NBN: variants seen among roughly 807,000 people sequenced by gnomAD.
NBN encodes the protein Nijmegen breakage syndrome 1 (nibrin).
A neutral mutation model predicts 90.8 loss-of-function variants in NBN; 88 were observed. That is an observed-to-expected ratio of 0.97 (90% CI 0.82 to 1.16). NBN has a LOEUF of 1.16. NBN is among the 50% of genes most tolerant of loss of function. NBN has a pLI of 0.00. For synonymous variants in NBN, 328 were observed against 295.1 expected, an observed-to-expected ratio of 1.11 and a Z score of -1.14; for missense variants, 894 against 869.6, an observed-to-expected ratio of 1.03 and a Z score of -0.35.
At chr8:89,939,951 C>A (rs148872777) in intron 14 of NBN, among the ~76,000 whole-genome samples, 3 of 152,294 alleles carry the variant, frequency 2.0e-5, no homozygotes, top group African/African-American at 7.2e-5. Flanking sequence ...TCCAGCTGAG[C>A]CTTTCCTCTC....
intron 11 of NBN, among the ~76,000 whole-genome samples, chr8:89,950,511 T>C (rs997813203): frequency 2.6e-5 from 4 of 152,128 alleles, no homozygotes; most frequent in African/African-American, 7.2e-5. Flanking sequence ...GTGGGACCCA[T>C]GGATACAGAG....
chr8:89,954,978 C>T (rs558011483), intron 10 of NBN, among the ~76,000 whole-genome samples: 3 of 152,142 alleles, frequency 2.0e-5, no homozygotes, highest in South Asian at 2.1e-4. Context: ...GGAGTGAGAG[C>T]GGTTCTCAAG....
chr8:89,970,250 A>T, intron 7 of NBN, 114 bp downstream of exon 7: 1 of 489,100 alleles, frequency 2.0e-6, no homozygotes, highest in Non-Finnish European at 3.2e-6. Flanking sequence ...ACTCCGTCTC[A>T]AAAAAAAAAA....
intron 14 of NBN, among the ~76,000 whole-genome samples, chr8:89,941,927 TA>T (rs1181633391): frequency 6.6e-6 from 1 of 152,160 alleles, no homozygotes; most frequent in Non-Finnish European, 1.5e-5. Context: ...AAAGCACTTT[TA>T]AAAGTGAATT....
intron 7 of NBN, among the ~76,000 whole-genome samples, chr8:89,969,189 T>G (rs1811388345): frequency 6.6e-6 from 1 of 152,260 alleles, no homozygotes; most frequent in Non-Finnish European, 1.5e-5. Flanking sequence ...CCAAGCCATA[T>G]ATTTCTACAA....
rs978492724 is a variant in NBN, at chr8:89,934,352, T to C, written c.*1230A>G. 4.3e-6 allele frequency: 1 copy of C among 232,866 alleles called. No individual in the cohort carries two copies. The highest frequency in any genetic ancestry group is 2.2e-5 in the African/African-American group (1 of 45,328). The allele number at this position is 232,866 out of a possible 1,614,324, so 14.4% of individuals were successfully genotyped here. The stretch of plus-strand genomic sequence containing the variant: ...CTGGTCTCAATGCCTGTAGTAGAAA[T>C]TGCAGATTGGCTCACCCAATTTCTG... On this transcript the variant is annotated 3_prime_UTR_variant, in exon 16 of 16. Coordinates refer to ENST00000265433, the MANE Select transcript of NBN (RefSeq NM_002485.5).
intron 8 of NBN, among the ~76,000 whole-genome samples, chr8:89,963,029 T>C (rs187030867): frequency 1.3e-5 from 2 of 152,216 alleles, no homozygotes; most frequent in Non-Finnish European, 2.9e-5. Context: ...AAGTAGATGA[T>C]GCTCTTCCCT....
chr8:89,974,649 A>G (rs961138499), intron 5 of NBN, among the ~76,000 whole-genome samples: 10 of 152,212 alleles, frequency 6.6e-5, no homozygotes, highest in African/African-American at 1.4e-4. Flanking sequence ...AGTGAAAGGT[A>G]CATACAGTGG....
In NBN at chr8:89,981,358, A is replaced by T. The variant is rs1367490201; in HGVS notation, c.320+17T>A. 2.5e-6 allele frequency: 4 copies of T among 1,612,038 alleles called. No individual in the cohort carries two copies. Among genetic ancestry groups the T allele is most frequent in the Non-Finnish European group, 1.7e-6 (2 of 1,178,450 alleles). ...AACAAAGCTGTCCATTTTAAAATCA[A>T]TTTTAAAATGTCTTACCTGAATTTA... On this transcript the variant is annotated intron_variant, in intron 3 of 15. Coordinates refer to ENST00000265433, the MANE Select transcript of NBN (RefSeq NM_002485.5).
In NBN at chr8:89,943,245, C is replaced by G. The variant is rs730881842; in HGVS notation, c.2184+8G>C. The G allele has an allele frequency of 6.1e-5, 98 of 1,613,456 alleles. No homozygotes were observed. The highest frequency in any genetic ancestry group is 7.8e-5 in the Non-Finnish European group (92 of 1,179,702). On this transcript the variant is annotated splice_region_variant and intron_variant, in intron 14 of 15. Coordinates refer to ENST00000265433, the MANE Select transcript of NBN (RefSeq NM_002485.5). ...TAAGCAAGTTTCTGGGCCTCACTTC[C>G]TACTAACCTCCATTTCCTGCCTTAG...
chr8:89,952,447 A>C (rs1426053146), intron 11 of NBN, among the ~76,000 whole-genome samples: 3 of 152,196 alleles, frequency 2.0e-5, no homozygotes, highest in African/African-American at 7.2e-5. Flanking sequence ...ATAACAATAC[A>C]CAGGCCAAAT....
At chr8:89,973,919 T>C (rs1410239566) in intron 5 of NBN, among the ~76,000 whole-genome samples, 2 of 152,186 alleles carry the variant, frequency 1.3e-5, no homozygotes, top group Non-Finnish European at 2.9e-5. Flanking sequence ...CTACAAATAA[T>C]TATGTTTTAT....
At chr8:89,945,941 T>C (rs776894929) in intron 13 of NBN, among the ~76,000 whole-genome samples, 199 bp downstream of exon 13, 8 of 152,172 alleles carry the variant, frequency 5.3e-5, no homozygotes, top group Non-Finnish European at 8.8e-5. Context: ...TCAATCTTGA[T>C]GAAATCTATT....
intron 8 of NBN, among the ~76,000 whole-genome samples, chr8:89,963,803 A>G (rs1015162764): frequency 2.1e-4 from 32 of 152,162 alleles, no homozygotes; most frequent in African/African-American, 6.0e-4. Context: ...GAACCTGTTC[A>G]TTTTTCTGCA....
intron 5 of NBN, among the ~76,000 whole-genome samples, chr8:89,975,875 T>G (rs1009191870): frequency 6.6e-6 from 1 of 152,140 alleles, no homozygotes; most frequent in African/African-American, 2.4e-5. Flanking sequence ...GCAGCTAGAG[T>G]CATTATTTAC....
At chr8:89,980,616 A>G in intron 4 of NBN, 118 bp downstream of exon 4, 1 of 827,522 alleles carries the variant, frequency 1.2e-6, no homozygotes, top group Admixed American at 2.4e-5. Flanking sequence ...GGGTATATAT[A>G]AATCTACAAC....
At position 89,970,644 on chromosome 8, in the gene NBN, A is replaced by T. The variant is rs1811472173; in HGVS notation, c.703-87T>A. ...TTTGATTTGGGAAACATAGAAGTAC[A>T]ATTCAAGAAGACTTGGTGCTACTTC... On this transcript the variant is annotated intron_variant, in intron 6 of 15. Coordinates refer to ENST00000265433, the MANE Select transcript of NBN (RefSeq NM_002485.5). 16 of 1,323,776 alleles carry T rather than the reference A, an allele frequency of 1.2e-5. No individual in the cohort carries two copies. The South Asian group carries it at 2.0e-4, about 16-fold the overall frequency. 82.0% of individuals were successfully genotyped at this position (1,323,776 alleles called of 1,614,324 possible). A position where few individuals can be genotyped will look rare whatever the true frequency, so the allele number is the denominator to read the frequency against.
intron 5 of NBN, among the ~76,000 whole-genome samples, chr8:89,974,919 C>T (rs1278162369): frequency 6.6e-6 from 1 of 152,176 alleles, no homozygotes; most frequent in African/African-American, 2.4e-5. Context: ...TAAAACAATA[C>T]TTGTTGTTTG....
At chr8:89,982,434 A>G (rs1468668113) in intron 2 of NBN, 1 of 443,398 alleles carries the variant, frequency 2.3e-6, no homozygotes, top group African/African-American at 2.0e-5. Context: ...AATAGTAAAC[A>G]ATAAATGTTT....
Sources: gnomAD v4.1 joint callset for allele counts (sites outside exome capture counted in the v4.1 genomes callset) on GRCh38, gnomAD v4.1.1 for gene constraint, MANE v1.5 for transcripts, NCBI Gene and HGNC (gene_info 2026-07-23, HGNC 2026-07-21) for gene names.